Variants in TANC2 observed in about 807,000 individuals in gnomAD.
TANC2 encodes protein TANC2.
Under a neutral mutation model 210.5 loss-of-function variants are expected in TANC2, and 26 were observed. The observed-to-expected ratio is 0.12, with a 90% CI of 0.09 to 0.17. The LOEUF is 0.17. Ranked by LOEUF, TANC2 falls within the 10% of genes least tolerant of loss-of-function variation. The probability of loss-of-function intolerance (pLI) is 1.00; values close to 1 mark genes in which losing one functional copy is unlikely to be tolerated. For synonymous variants in TANC2, 931 were observed against 967.1 expected (o/e 0.96, Z 0.69); for missense variants, 2,129 against 2,608.9 (o/e 0.82, Z 4.01).
chr17:63,247,458 C>T lies in TANC2; in HGVS notation c.1033+9381C>T, dbSNP rs536854457. Reference sequence around the variant, plus strand: ...TCCTGAAATACTTAATATTTTTTCCCTCTTGTCCCTCCTCTTCCCCTACTC... The same window carrying T: ...TCCTGAAATACTTAATATTTTTTCCTTCTTGTCCCTCCTCTTCCCCTACTC... On this transcript the variant is annotated intron_variant, in intron 8 of 27. Transcript: ENST00000689528. Among the ~76,000 whole-genome samples the T allele has an allele frequency of 1.3e-4, 20 of 148,710 alleles. No individual in the cohort carries two copies. In the South Asian group the frequency reaches 3.2e-3, roughly 24 times the overall value.
At chr17:63,098,085 A>G (rs1313900516) in intron 3 of TANC2, among the ~76,000 whole-genome samples, 1 of 151,928 alleles carries the variant, frequency 6.6e-6, no homozygotes, top group Admixed American at 6.6e-5. Context: ...TTATGAGACT[A>G]TTTCTGGTTT....
intron 5 of TANC2, among the ~76,000 whole-genome samples, chr17:63,167,902 A>G (rs1019699279): frequency 6.6e-6 from 1 of 150,938 alleles, no homozygotes; most frequent in Non-Finnish European, 1.5e-5. Context: ...AAAAAAAAAA[A>G]AAAAAAAGAA....
At chr17:63,245,222 C>A (rs752849971) in intron 8 of TANC2, among the ~76,000 whole-genome samples, 1 of 152,074 alleles carries the variant, frequency 6.6e-6, no homozygotes, top group Non-Finnish European at 1.5e-5. Context: ...CAAACTATAT[C>A]CTGTTCAGAC....
exon 28 of TANC2, chr17:63,427,643 A>G (rs984469832): frequency 2.6e-5 from 4 of 152,278 alleles, no homozygotes; most frequent in Admixed American, 6.5e-5. Flanking sequence ...TGTCATCTGT[A>G]CAAGGAACTG....
At position 63,398,811 on chromosome 17, in the gene TANC2, C is replaced by G. The variant is rs540474769; in HGVS notation, c.3238-10C>G. On this transcript the variant is annotated splice_polypyrimidine_tract_variant and intron_variant, in intron 18 of 27. Transcript: ENST00000689528. The stretch of plus-strand genomic sequence containing the variant: ...CCTGAAGTTTGAGCTGACACAACTT[C>G]TTGTTTCAGATTGTCTCCTACCTAC... 7.7e-5 allele frequency: 120 copies of G among 1,565,080 alleles called. 1 individual carries two copies. The South Asian group carries it at 1.2e-3, about 16-fold the overall frequency.
intron 3 of TANC2, among the ~76,000 whole-genome samples, chr17:63,095,181 GTT>G (rs1461622778): frequency 1.3e-5 from 2 of 151,840 alleles, no homozygotes; most frequent in Admixed American, 1.3e-4. Flanking sequence ...TTTCTTTGTT[GTT>G]TTTTTCAGTA....
intron 7 of TANC2, among the ~76,000 whole-genome samples, chr17:63,214,461 A>G (rs1043569037): frequency 1.6e-4 from 24 of 152,220 alleles, no homozygotes; most frequent in Non-Finnish European, 3.5e-4. Context: ...AGTCCATTCA[A>G]ATGGCTATAA....
intron 8 of TANC2, among the ~76,000 whole-genome samples, chr17:63,238,876 C>T (rs1322865990): frequency 6.6e-6 from 1 of 152,126 alleles, no homozygotes; most frequent in East Asian, 1.9e-4. Context: ...CAGTTTTAAA[C>T]CATCGGATCT....
intron 7 of TANC2, among the ~76,000 whole-genome samples, chr17:63,215,813 G>A (rs2042011185): frequency 6.6e-6 from 1 of 151,794 alleles, no homozygotes; most frequent in Non-Finnish European, 1.5e-5. Context: ...TCAGTGGTGT[G>A]GTATCAGCTC....
exon 28 of TANC2, chr17:63,425,653 C>A (rs547407211): frequency 6.6e-6 from 1 of 152,196 alleles, no homozygotes; most frequent in Non-Finnish European, 1.5e-5. Context: ...GAGCTGCTTC[C>A]AGGGCAACAG....
At chr17:63,369,366 G>A (rs2047198330) in intron 14 of TANC2, among the ~76,000 whole-genome samples, 1 of 152,056 alleles carries the variant, frequency 6.6e-6, no homozygotes, top group Non-Finnish European at 1.5e-5. Context: ...TCAGCTAGCT[G>A]TGAGTTTGAA....
chr17:63,027,563 G>A (rs947635238), intron 2 of TANC2, among the ~76,000 whole-genome samples: 2 of 151,778 alleles, frequency 1.3e-5, no homozygotes, highest in African/African-American at 4.8e-5. Context: ...ACAGATTTGT[G>A]CTTTTGCAAA....
intron 21 of TANC2, among the ~76,000 whole-genome samples, chr17:63,411,159 A>C (rs368690445): frequency 1.3e-5 from 2 of 152,088 alleles, no homozygotes; most frequent in East Asian, 3.9e-4. Context: ...AGAGGCAGAG[A>C]GTGAGGATGC....
chr17:63,113,537 C>T (rs1300049287), intron 4 of TANC2, among the ~76,000 whole-genome samples: 1 of 152,088 alleles, frequency 6.6e-6, no homozygotes, highest in African/African-American at 2.4e-5. Flanking sequence ...ACACAGAGTC[C>T]TGCTTTGTCA....
At chr17:63,330,666 G>C (rs939166394) in intron 11 of TANC2, among the ~76,000 whole-genome samples, 2 of 152,118 alleles carry the variant, frequency 1.3e-5, no homozygotes, top group African/African-American at 4.8e-5. Context: ...TGTTAAACAT[G>C]GGTATATATT....
intron 8 of TANC2, among the ~76,000 whole-genome samples, chr17:63,246,874 T>G (rs2042933504): frequency 6.6e-6 from 1 of 152,178 alleles, no homozygotes. Context: ...TTTAACTTTT[T>G]AAGAAATGCA....
intron 11 of TANC2, among the ~76,000 whole-genome samples, chr17:63,327,083 C>G (rs904585068): frequency 6.6e-6 from 1 of 152,162 alleles, no homozygotes; most frequent in African/African-American, 2.4e-5. Context: ...ACAGACATTT[C>G]TCAAAAGAAG....
chr17:63,053,546 T>C (rs1568347218), intron 2 of TANC2, among the ~76,000 whole-genome samples: 2 of 152,234 alleles, frequency 1.3e-5, no homozygotes, highest in Non-Finnish European at 2.9e-5. Flanking sequence ...CTGACCTCTT[T>C]TCTCTCTTTT....
At chr17:63,053,973 C>T (rs1030377207) in intron 2 of TANC2, among the ~76,000 whole-genome samples, 2 of 152,182 alleles carry the variant, frequency 1.3e-5, no homozygotes, top group African/African-American at 4.8e-5. Flanking sequence ...TAATTGGTCT[C>T]TCTGCTTTGT....
Sources: allele counts gnomAD v4.1 joint callset (sites outside exome capture counted in the v4.1 genomes callset), GRCh38; gene constraint gnomAD v4.1.1; transcripts MANE v1.5; gene names NCBI Gene and HGNC (gene_info 2026-07-23, HGNC 2026-07-21).